The following CNKSR2 variants were observed in gnomAD, a reference collection of about 807,000 sequenced individuals.
The protein encoded by CNKSR2 is connector enhancer of kinase suppressor of Ras 2.
CNKSR2 carries 14 observed loss-of-function variants against 84.4 expected under a neutral mutation model. The observed-to-expected ratio is 0.17, with a 90% CI of 0.11 to 0.26. The LOEUF (loss-of-function observed/expected upper bound fraction) is 0.26, where lower values mean the gene tolerates loss of function less well. Among genes scored for constraint, CNKSR2 ranks in the 10% least tolerant of loss-of-function variants. The pLI is 1.00. For synonymous variants in CNKSR2, 275 were observed against 277.9 expected, an observed-to-expected ratio of 0.99 and a Z score of 0.10; for missense variants, 485 against 771.2, an observed-to-expected ratio of 0.63 and a Z score of 4.40.
intron 8 of CNKSR2, among the ~76,000 whole-genome samples, 173 bp from the exon 9 acceptor site, chrX:21,516,312 T>C (rs919467527): frequency 4.5e-5 from 5 of 111,512 alleles, no homozygotes; most frequent in Admixed American, 9.6e-5. Context: ...AATGCAATAA[T>C]ATGGTTAATC....
At chrX:21,645,773 G>A (rs1285684683) in intron 20 of CNKSR2, 1 of 110,274 alleles carries the variant, frequency 9.1e-6, no homozygotes, top group Non-Finnish European at 1.9e-5. Flanking sequence ...TGAAGAAGAG[G>A]GCAAAAAGAG....
chrX:21,645,314 A>C (rs2092703763), intron 20 of CNKSR2: 3 of 112,288 alleles, frequency 2.7e-5, no homozygotes, highest in Admixed American at 1.9e-4. Context: ...AGAAAATTTT[A>C]TATGCACTCT....
intron 5 of CNKSR2, among the ~76,000 whole-genome samples, chrX:21,479,939 T>C (rs1330550117): frequency 1.8e-5 from 2 of 110,938 alleles, no homozygotes; most frequent in Non-Finnish European, 3.8e-5. Flanking sequence ...GATCTGGACA[T>C]GTGGCTGGGG....
At chrX:21,648,751 G>A in intron 20 of CNKSR2, 80 bp from the exon 21 acceptor site, 2 of 801,410 alleles carry the variant, frequency 2.5e-6, no homozygotes, top group Non-Finnish European at 3.4e-6. Context: ...TAACTATATT[G>A]CAATGAATTC....
At chrX:21,411,591 GC>G (rs1379445572) in intron 1 of CNKSR2, among the ~76,000 whole-genome samples, 1 of 110,904 alleles carries the variant, frequency 9.0e-6, no homozygotes, top group East Asian at 2.8e-4. Flanking sequence ...CTGTCTCCAA[GC>G]TGCTGAGTCC....
At chrX:21,625,806 A>C (rs1256248124) in intron 20 of CNKSR2, among the ~76,000 whole-genome samples, 1 of 112,305 alleles carries the variant, frequency 8.9e-6, no homozygotes, top group African/African-American at 3.2e-5. Flanking sequence ...TCTCACTTCA[A>C]TTGAAAACCT....
chrX:21,420,062 C>A lies in CNKSR2; in HGVS notation c.65-6435C>A, dbSNP rs371238845. On this transcript the variant is annotated intron_variant, in intron 1 of 21. Transcript: ENST00000379510. ...ACTAGCATTTAAAACCTTAGAAGTG[C>A]ACCTGGTGTTCTGTTGTACTGTGGC... Among the ~76,000 whole-genome samples the A allele has an allele frequency of 2.7e-4, 30 of 112,155 alleles. 1 individual carries two copies. In the East Asian group the frequency reaches 3.4e-3, roughly 13 times the overall value.
At chrX:21,577,692 C>A (rs1206059737) in intron 13 of CNKSR2, among the ~76,000 whole-genome samples, 1 of 110,513 alleles carries the variant, frequency 9.0e-6, no homozygotes, top group Non-Finnish European at 1.9e-5. Flanking sequence ...AATCAGACAT[C>A]TCAAGTTTAA....
chrX:21,610,063 A>G (rs2092542178), intron 20 of CNKSR2, among the ~76,000 whole-genome samples: 1 of 112,156 alleles, frequency 8.9e-6, no homozygotes, highest in African/African-American at 3.2e-5. Context: ...ACTCACATCT[A>G]TACATATACA....
chrX:21,578,549 GTTT>G (rs199558488), intron 13 of CNKSR2, among the ~76,000 whole-genome samples: 6 of 83,124 alleles, frequency 7.2e-5, no homozygotes, highest in African/African-American at 2.6e-4. Flanking sequence ...CTACTTACCT[GTTT>G]TTTTTTTTTT....
chrX:21,498,648 G>C (rs981447535), intron 7 of CNKSR2, among the ~76,000 whole-genome samples: 4 of 112,106 alleles, frequency 3.6e-5, no homozygotes, highest in Non-Finnish European at 5.6e-5. Flanking sequence ...CCATGCTATA[G>C]AGAACTATCT....
At chrX:21,421,060 A>G (rs907373930) in intron 1 of CNKSR2, among the ~76,000 whole-genome samples, 3 of 111,453 alleles carry the variant, frequency 2.7e-5, no homozygotes, top group African/African-American at 9.8e-5. Flanking sequence ...TCAGGTTCCA[A>G]CTGCCAGGAT....
chrX:21,474,363 A>T (rs2091237866), intron 5 of CNKSR2, among the ~76,000 whole-genome samples: 1 of 111,552 alleles, frequency 9.0e-6, no homozygotes, highest in Non-Finnish European at 1.9e-5. Flanking sequence ...TGGGAAGGAG[A>T]ATCAATATGG....
chrX:21,559,566 A>C (rs1484295772), intron 11 of CNKSR2, among the ~76,000 whole-genome samples: 1 of 111,472 alleles, frequency 9.0e-6, no homozygotes, highest in Non-Finnish European at 1.9e-5. Flanking sequence ...GTGTAATCAA[A>C]ATGCATGTGC....
chrX:21,607,339 ATGTT>A (rs1410189579), intron 19 of CNKSR2, among the ~76,000 whole-genome samples: 4 of 111,399 alleles, frequency 3.6e-5, no homozygotes, highest in Non-Finnish European at 7.5e-5. Context: ...TTTAATGTAT[ATGTT>A]TGTATGGTGT....
chrX:21,614,131 A>G (rs2092565406), intron 20 of CNKSR2, among the ~76,000 whole-genome samples: 1 of 111,292 alleles, frequency 9.0e-6, no homozygotes, highest in Admixed American at 9.6e-5. Context: ...GGGCTAGATT[A>G]TGAGTACAAA....
intron 20 of CNKSR2, among the ~76,000 whole-genome samples, chrX:21,630,529 G>C (rs2092643225): frequency 9.0e-6 from 1 of 111,711 alleles, no homozygotes; most frequent in African/African-American, 3.3e-5. Flanking sequence ...AGGAAACTGA[G>C]TTTAAATAGC....
At chrX:21,401,217 T>C (rs1246036257) in intron 1 of CNKSR2, among the ~76,000 whole-genome samples, 1 of 111,213 alleles carries the variant, frequency 9.0e-6, no homozygotes, top group Non-Finnish European at 1.9e-5. Context: ...GTAAGGAGGT[T>C]GGATAGTCCA....
intron 10 of CNKSR2, among the ~76,000 whole-genome samples, chrX:21,530,308 CTGAT>C (rs2091873951): frequency 9.0e-6 from 1 of 111,241 alleles, no homozygotes; most frequent in Non-Finnish European, 1.9e-5. Flanking sequence ...AGAAAACTCA[CTGAT>C]TGTCAGTCTG....
Sources: allele counts gnomAD v4.1 joint callset (sites outside exome capture counted in the v4.1 genomes callset), GRCh38; gene constraint gnomAD v4.1.1; transcripts MANE v1.5; gene names NCBI Gene and HGNC (gene_info 2026-07-23, HGNC 2026-07-21).